The following ADAMTS17 variants were observed in gnomAD, a reference collection of about 807,000 sequenced individuals.
ADAMTS17 encodes the protein A disintegrin and metalloproteinase with thrombospondin motifs 17.
In ADAMTS17, 113 loss-of-function variants were observed where a neutral mutation model predicts 141.5. The observed-to-expected ratio is 0.80, with a 90% confidence interval of 0.69 to 0.93. ADAMTS17 has a LOEUF of 0.93. ADAMTS17 is among the 40% of genes least tolerant of loss of function. ADAMTS17 has a pLI of 0.00. For synonymous variants in ADAMTS17, 768 were observed against 630.6 expected, an observed-to-expected ratio of 1.22 and a Z score of -3.27; for missense variants, 1,659 against 1,517.9, an observed-to-expected ratio of 1.09 and a Z score of -1.54.
intron 15 of ADAMTS17, among the ~76,000 whole-genome samples, chr15:100,056,008 C>A (rs2032536527): frequency 6.6e-6 from 1 of 152,168 alleles, no homozygotes; most frequent in Non-Finnish European, 1.5e-5. Flanking sequence ...TCTTTAGCAT[C>A]AGTCTAGATT....
chr15:100,058,147 C>T (rs1455336597), intron 15 of ADAMTS17, among the ~76,000 whole-genome samples: 1 of 151,628 alleles, frequency 6.6e-6, no homozygotes, highest in Non-Finnish European at 1.5e-5. Context: ...AGCACTAACA[C>T]CTCTATCCCA....
At chr15:100,095,300 T>C (rs2035690795) in intron 15 of ADAMTS17, among the ~76,000 whole-genome samples, 1 of 152,200 alleles carries the variant, frequency 6.6e-6, no homozygotes, top group African/African-American at 2.4e-5. Flanking sequence ...GCATTTCCTC[T>C]GGTTTTGCTT....
At chr15:100,258,460 G>C (rs1477853271) in intron 6 of ADAMTS17, among the ~76,000 whole-genome samples, 12 of 152,196 alleles carry the variant, frequency 7.9e-5, no homozygotes, top group Non-Finnish European at 1.8e-4. Context: ...ATTTACAGAA[G>C]AAAGAGGTTT....
intron 18 of ADAMTS17, among the ~76,000 whole-genome samples, chr15:99,998,591 G>A (rs1247401566): frequency 6.6e-6 from 1 of 152,166 alleles, no homozygotes; most frequent in African/African-American, 2.4e-5. Context: ...GTGACAGAGT[G>A]AGACTGTATC....
chr15:100,026,873 T>C (rs900546838), intron 18 of ADAMTS17, among the ~76,000 whole-genome samples: 2 of 152,214 alleles, frequency 1.3e-5, no homozygotes, highest in African/African-American at 2.4e-5. Context: ...TTTAGACAAA[T>C]AGATTTCCAA....
intron 4 of ADAMTS17, among the ~76,000 whole-genome samples, chr15:100,273,541 T>C (rs1446030368): frequency 2.0e-5 from 3 of 152,176 alleles, no homozygotes; most frequent in Non-Finnish European, 4.4e-5. Context: ...TGGGTCGTAA[T>C]GTCCCTGTTT....
intron 12 of ADAMTS17, among the ~76,000 whole-genome samples, chr15:100,119,277 A>G (rs555222657): frequency 6.6e-6 from 1 of 152,128 alleles, no homozygotes; most frequent in African/African-American, 2.4e-5. Context: ...TGGCAGCCCC[A>G]GGAAACTAAG....
chr15:100,036,568 A>G (rs908796245), intron 18 of ADAMTS17, among the ~76,000 whole-genome samples: 1 of 152,244 alleles, frequency 6.6e-6, no homozygotes, highest in Admixed American at 6.5e-5. Context: ...TGCAACCGTA[A>G]GTGCGCACTT....
intron 18 of ADAMTS17, among the ~76,000 whole-genome samples, chr15:100,004,970 G>A (rs553470117): frequency 6.6e-6 from 1 of 152,296 alleles, no homozygotes; most frequent in Admixed American, 6.5e-5. Flanking sequence ...ATGCCAGGCT[G>A]GTCTTGAACT....
At chr15:100,035,226 C>T (rs966084236) in intron 18 of ADAMTS17, among the ~76,000 whole-genome samples, 1 of 152,210 alleles carries the variant, frequency 6.6e-6, no homozygotes, top group African/African-American at 2.4e-5. Flanking sequence ...TTAGCTCTGA[C>T]AGGCAGTCCT....
At chr15:100,280,871 T>TC (rs539229553) in intron 4 of ADAMTS17, among the ~76,000 whole-genome samples, 169 of 152,130 alleles carry the variant, frequency 1.1e-3, no homozygotes, top group Middle Eastern at 6.8e-3. Flanking sequence ...TGGAATTTGT[T>TC]CCCCCCGCTA....
chr15:100,281,697 C>A (rs1268902980), intron 3 of ADAMTS17, among the ~76,000 whole-genome samples: 3 of 152,150 alleles, frequency 2.0e-5, no homozygotes, highest in African/African-American at 7.2e-5. Flanking sequence ...AAAACCCACC[C>A]CTTTAGAGAA....
intron 8 of ADAMTS17, among the ~76,000 whole-genome samples, chr15:100,172,886 A>G (rs1324485758): frequency 1.3e-5 from 2 of 152,252 alleles, no homozygotes; most frequent in Non-Finnish European, 2.9e-5. Context: ...TCCTTGAGGT[A>G]CCGAGGAACA....
rs1444747370 is a variant in ADAMTS17 at position 99,974,015 on chromosome 15, TCG to T, written c.*385_*386del. 2 of 332,864 alleles carry T rather than the reference TCG, an allele frequency of 6.0e-6. No individual in the cohort carries two copies. Among genetic ancestry groups the T allele is most frequent in the African/African-American group, 4.3e-5 (2 of 46,448 alleles). The allele number at this position is 332,864 out of a possible 1,614,324, so 20.6% of individuals were successfully genotyped here. ...AGAATAAAGCCTTTTCTAGCATGTC[TCG>T]TTTTGGGGATGTTTCCTCCATGATA... is the stretch of plus-strand genomic sequence containing the variant. On this transcript the variant is annotated 3_prime_UTR_variant, in exon 22 of 22. Transcript: ENST00000268070.
At chr15:100,174,842 T>C (rs919571993) in intron 8 of ADAMTS17, among the ~76,000 whole-genome samples, 1 of 152,108 alleles carries the variant, frequency 6.6e-6, no homozygotes, top group Admixed American at 6.5e-5. Context: ...AGCAGCAACT[T>C]TGTAGTTGAT....
intron 6 of ADAMTS17, among the ~76,000 whole-genome samples, chr15:100,255,773 G>A (rs1247691407): frequency 6.6e-6 from 1 of 152,232 alleles, no homozygotes; most frequent in Non-Finnish European, 1.5e-5. Context: ...GAGAAGTGAA[G>A]CCGCAGGCCA....
chr15:100,092,410 C>T (rs7171139), intron 15 of ADAMTS17, among the ~76,000 whole-genome samples: 1,964 of 152,324 alleles, frequency 0.013, 40 homozygotes, highest in African/African-American at 0.044. Context: ...TGGGACGACA[C>T]GTAACATCCA....
At chr15:100,191,988 G>A (rs2040935351) in intron 8 of ADAMTS17, among the ~76,000 whole-genome samples, 1 of 152,120 alleles carries the variant, frequency 6.6e-6, no homozygotes, top group Non-Finnish European at 1.5e-5. Flanking sequence ...CTGTATCAAA[G>A]TATCTCATGT....
At chr15:100,227,323 T>C (rs919698816) in intron 7 of ADAMTS17, among the ~76,000 whole-genome samples, 29 of 38,356 alleles carry the variant, frequency 7.6e-4, no homozygotes, top group Admixed American at 1.3e-3. Context: ...AGATCCTCTG[T>C]CTTTCCCACC....
Sources: gnomAD v4.1 joint callset for allele counts (sites outside exome capture counted in the v4.1 genomes callset) on GRCh38, gnomAD v4.1.1 for gene constraint, MANE v1.5 for transcripts, NCBI Gene and HGNC (gene_info 2026-07-23, HGNC 2026-07-21) for gene names.